The following FRY variants were observed in gnomAD, a reference collection of about 807,000 sequenced individuals.
FRY encodes protein furry homolog.
FRY carries 128 observed loss-of-function variants against 348.4 expected under a neutral mutation model. That is an observed-to-expected ratio of 0.37 (90% CI 0.32 to 0.43). The LOEUF is 0.43. FRY is among the 20% of genes least tolerant of loss of function. FRY has a pLI of 1.00. For missense variants in FRY, 2,736 were observed against 3,695.2 expected, an observed-to-expected ratio of 0.74 and a Z score of 6.73; for synonymous variants, 1,370 against 1,374.7, an observed-to-expected ratio of 1.00 and a Z score of 0.08.
chr13:32,129,748 G>A (rs997897254), intron 7 of FRY, among the ~76,000 whole-genome samples: 2 of 152,040 alleles, frequency 1.3e-5, no homozygotes. Flanking sequence ...TTTTTATTAA[G>A]AAATACATGT....
intron 26 of FRY, 126 bp downstream of exon 26, chr13:32,185,274 C>T (rs749117025): frequency 1.3e-6 from 1 of 770,634 alleles, no homozygotes; most frequent in East Asian, 2.6e-5. Context: ...AGTTTATTTA[C>T]TTCGAGATAC....
chr13:32,137,002 C>T lies in FRY; in HGVS notation c.1179+30C>T, dbSNP rs779482058. ...GTATTTGTCAGCTCAAAAACGATCT[C>T]TTTAAAAAATTTACAGTAGTTTTTA... On this transcript the variant is annotated intron_variant, in intron 11 of 60. Coordinates refer to ENST00000542859, the MANE Select transcript of FRY (RefSeq NM_023037.3). 8.6e-6 allele frequency: 11 copies of T among 1,272,684 alleles called. No homozygotes were observed. In the East Asian group the frequency reaches 2.5e-4, roughly 29 times the overall value. The allele number at this position is 1,272,684 out of a possible 1,614,324, so 78.8% of individuals were successfully genotyped here. A position where few individuals can be genotyped will look rare whatever the true frequency, so the allele number is the denominator to read the frequency against.
At chr13:32,147,466 C>T in intron 12 of FRY, 81 bp downstream of exon 12, 1 of 794,218 alleles carries the variant, frequency 1.3e-6, no homozygotes, top group Non-Finnish European at 2.2e-6. Context: ...CCTATGCTAA[C>T]TCAACTAGAA....
Position 32,297,814 on chromosome 13 carries a change from G to C in FRY, c.*2354G>C, listed in dbSNP as rs930969098. On this transcript the variant is annotated 3_prime_UTR_variant, in exon 61 of 61. Transcript: ENST00000542859. ...TTGCCTTCCCCAGGGATACAAAGAAGTAGAAGTACCAAAGGAAAGGGTAGA... is the reference window on the plus strand; with the variant it reads ...TTGCCTTCCCCAGGGATACAAAGAACTAGAAGTACCAAAGGAAAGGGTAGA... 1 of 152,152 alleles carries C rather than the reference G, an allele frequency of 6.6e-6. No individual in the cohort carries two copies. The highest frequency in any genetic ancestry group is 1.5e-5 in the Non-Finnish European group (1 of 68,034). The allele number at this position is 152,152 out of a possible 1,614,324, so 9.4% of individuals were successfully genotyped here.
intron 1 of FRY, among the ~76,000 whole-genome samples, chr13:32,039,425 A>G (rs967041859): frequency 6.6e-6 from 1 of 151,992 alleles, no homozygotes; most frequent in Non-Finnish European, 1.5e-5. Context: ...TACTTGGGTG[A>G]TTACAGAGAA....
chr13:32,217,133 A>C (rs1164345717), intron 35 of FRY, among the ~76,000 whole-genome samples: 1 of 152,166 alleles, frequency 6.6e-6, no homozygotes, highest in Non-Finnish European at 1.5e-5. Flanking sequence ...TCCCCAAAAG[A>C]AATAGAGTAT....
chr13:32,127,099 A>C (rs1303802319), intron 7 of FRY, among the ~76,000 whole-genome samples: 1 of 152,336 alleles, frequency 6.6e-6, no homozygotes, highest in East Asian at 1.9e-4. Context: ...TTTGAAAGTC[A>C]GTTAAAACAA....
At chr13:32,265,662 A>T (rs1169101909) in intron 54 of FRY, 46 bp downstream of exon 54, 1 of 1,560,934 alleles carries the variant, frequency 6.4e-7, no homozygotes, top group African/African-American at 1.4e-5. Flanking sequence ...TGTGCATGGT[A>T]CATTATATGG....
intron 1 of FRY, among the ~76,000 whole-genome samples, chr13:32,064,568 C>T (rs1402188842): frequency 6.6e-6 from 1 of 152,120 alleles, no homozygotes; most frequent in Non-Finnish European, 1.5e-5. Flanking sequence ...GCCCAATACC[C>T]CAAGTACACT....
At chr13:32,064,638 C>G (rs962138111) in intron 1 of FRY, among the ~76,000 whole-genome samples, 1 of 152,160 alleles carries the variant, frequency 6.6e-6, no homozygotes. Flanking sequence ...TGAATACTCT[C>G]CTAAATTCGT....
At chr13:32,267,588 C>T (rs1036334852) in intron 55 of FRY, among the ~76,000 whole-genome samples, 3 of 152,152 alleles carry the variant, frequency 2.0e-5, no homozygotes, top group Admixed American at 6.5e-5. Context: ...ACCTTTCATT[C>T]CTGCATCTCT....
chr13:32,253,853 A>ATGTT (rs1887204025), intron 50 of FRY, among the ~76,000 whole-genome samples: 1 of 152,208 alleles, frequency 6.6e-6, no homozygotes, highest in Admixed American at 6.5e-5. Flanking sequence ...TGTATTTGAT[A>ATGTT]TATGTGTGTA....
intron 51 of FRY, among the ~76,000 whole-genome samples, chr13:32,261,349 A>G (rs554215536): frequency 2.0e-5 from 3 of 152,348 alleles, no homozygotes; most frequent in African/African-American, 4.8e-5. Context: ...ACCAAAATCA[A>G]CTTTTTAAAA....
At chr13:32,162,321 A>G (rs1381025938) in intron 17 of FRY, among the ~76,000 whole-genome samples, 1 of 152,292 alleles carries the variant, frequency 6.6e-6, no homozygotes, top group Non-Finnish European at 1.5e-5. Flanking sequence ...GTTTACTCAC[A>G]TCCTCTCACC....
At position 32,208,971 on chromosome 13, in the gene FRY, G is replaced by A. The variant is rs569253010; in HGVS notation, c.4137G>A (p.Ser1379=). 1.2e-5 allele frequency: 20 copies of A among 1,614,124 alleles called. No homozygotes were observed. Among genetic ancestry groups the A allele is most frequent in the South Asian group, 1.1e-4 (10 of 91,076 alleles). ...ACAGCAGGCTCCTCCTCCCGGGGTC[G>A]AGCCCCAGCAGCCCAGAGGACGAAG... The part of the protein sequence containing the change: ...LVDSRLLLPG[S]SPSSPEDEVK... The change falls in exon 32 of 61, where the codon TCG becomes TCA. Residue 1379 remains serine (S), a synonymous_variant. Transcript: ENST00000542859.
chr13:32,287,879 C>T (rs867030162), intron 58 of FRY: 1 of 1,354,536 alleles, frequency 7.4e-7, no homozygotes. Flanking sequence ...AATGGAATCT[C>T]TTGCAGTAAG....
chr13:32,255,274 C>T (rs995670776), intron 51 of FRY, among the ~76,000 whole-genome samples: 1 of 152,150 alleles, frequency 6.6e-6, no homozygotes. Flanking sequence ...CTCTGCTAGT[C>T]CTACAATTGA....
At chr13:32,282,188 G>A (rs1464645493) in intron 58 of FRY, among the ~76,000 whole-genome samples, 5 of 152,146 alleles carry the variant, frequency 3.3e-5, no homozygotes, top group Admixed American at 3.3e-4. Context: ...CCCAACAAAT[G>A]TCTGGCCTCA....
chr13:32,206,663 C>G (rs1566132833), intron 31 of FRY, among the ~76,000 whole-genome samples: 1 of 152,208 alleles, frequency 6.6e-6, no homozygotes, highest in Non-Finnish European at 1.5e-5. Context: ...GCAAGTTTAA[C>G]CAGATCAGAG....
Sources: allele counts gnomAD v4.1 joint callset (sites outside exome capture counted in the v4.1 genomes callset), GRCh38; gene constraint gnomAD v4.1.1; transcripts MANE v1.5; gene names NCBI Gene and HGNC (gene_info 2026-07-23, HGNC 2026-07-21).